ELOVL7: variants seen among roughly 807,000 people sequenced by gnomAD.
ELOVL7 encodes very long chain fatty acid elongase 7.
Under a neutral mutation model 35.7 loss-of-function variants are expected in ELOVL7, and 27 were observed. The observed-to-expected ratio is 0.76, with a 90% CI of 0.56 to 1.04. ELOVL7 has a LOEUF of 1.04. Among genes scored for constraint, ELOVL7 ranks in the 50% least tolerant of loss-of-function variants. The pLI is 0.00. For synonymous variants in ELOVL7, 113 were observed against 114.6 expected, an observed-to-expected ratio of 0.99 and a Z score of 0.09; for missense variants, 327 against 340.8, an observed-to-expected ratio of 0.96 and a Z score of 0.32.
intron 3 of ELOVL7, among the ~76,000 whole-genome samples, chr5:60,776,548 A>G (rs889281207): frequency 3.3e-5 from 5 of 152,220 alleles, no homozygotes; most frequent in Non-Finnish European, 5.9e-5. Context: ...CATTAAAAAG[A>G]ACAAAATCAT....
chr5:60,790,362 A>G (rs1019646313), intron 2 of ELOVL7, among the ~76,000 whole-genome samples: 4 of 152,208 alleles, frequency 2.6e-5, no homozygotes, highest in Non-Finnish European at 4.4e-5. Flanking sequence ...TAGATATTTT[A>G]CCTATCTAAA....
intron 7 of ELOVL7, among the ~76,000 whole-genome samples, chr5:60,759,978 T>C (rs1288539850): frequency 1.3e-5 from 2 of 152,234 alleles, no homozygotes; most frequent in Non-Finnish European, 2.9e-5. Context: ...TCATCAATTT[T>C]TATGGCTGCA....
In ELOVL7 at chr5:60,773,327, G is replaced by A. The variant is rs146327986; in HGVS notation, c.65-1234C>T. Among the ~76,000 whole-genome samples, 32 of 152,266 alleles carry A rather than the reference G, an allele frequency of 2.1e-4. No individual in the cohort carries two copies. In the East Asian group the frequency reaches 6.2e-3, roughly 29 times the overall value. ...GGAAAAGAAGGGTAGGGAGAATGTA[G>A]CTCTTGCTCTTTTAAGCTGCTAATG... is the stretch of plus-strand genomic sequence containing the variant. On this transcript the variant is annotated intron_variant, in intron 3 of 8. Transcript: ENST00000508821.
Position 60,787,407 on chromosome 5 carries a change from G to T in ELOVL7, c.-10C>A. On this transcript the variant is annotated 5_prime_UTR_variant, in exon 3 of 9. Transcript: ENST00000508821. ...GATCACTGAAGGCCATTTTCCACAG[G>T]ATTTACTGGCTCTTTTAATGGGTTC... 1.3e-6 allele frequency: 2 copies of T among 1,584,546 alleles called. No homozygotes were observed. The highest frequency in any genetic ancestry group is 1.7e-6 in the Non-Finnish European group (2 of 1,168,560).
chr5:60,837,740 G>C (rs879261215), intron 1 of ELOVL7, among the ~76,000 whole-genome samples: 3 of 152,038 alleles, frequency 2.0e-5, no homozygotes, highest in Non-Finnish European at 4.4e-5. Flanking sequence ...TCGGGAGTTT[G>C]AGACCAGCCT....
At chr5:60,795,181 G>A (rs1053347570) in intron 2 of ELOVL7, among the ~76,000 whole-genome samples, 4 of 152,100 alleles carry the variant, frequency 2.6e-5, no homozygotes, top group African/African-American at 4.8e-5. Flanking sequence ...GTCAGAATGG[G>A]GCAGTGGGAT....
At chr5:60,755,644 G>A (rs554128517) in intron 8 of ELOVL7, among the ~76,000 whole-genome samples, 18 of 152,100 alleles carry the variant, frequency 1.2e-4, no homozygotes, top group Non-Finnish European at 2.2e-4. Context: ...GTGACAGAGC[G>A]AGATTCCATC....
At chr5:60,774,553 C>T (rs902847505) in intron 3 of ELOVL7, among the ~76,000 whole-genome samples, 4 of 152,112 alleles carry the variant, frequency 2.6e-5, no homozygotes, top group Non-Finnish European at 5.9e-5. Context: ...ACCTAATGGG[C>T]AAACGCTGGA....
chr5:60,799,304 A>T (rs1213142410), intron 1 of ELOVL7, 74 bp from the exon 2 acceptor site: 1 of 151,890 alleles, frequency 6.6e-6, no homozygotes, highest in Non-Finnish European at 1.5e-5. Context: ...AAAGAAAAAC[A>T]AAGTCAGCAG....
intron 1 of ELOVL7, among the ~76,000 whole-genome samples, chr5:60,841,023 C>CTTTT (rs59046428): frequency 8.0e-6 from 1 of 125,364 alleles, no homozygotes; most frequent in Non-Finnish European, 1.6e-5. Context: ...AATTACTTTC[C>CTTTT]TTTTTTTTTT....
chr5:60,836,057 T>C (rs17332108), intron 1 of ELOVL7, among the ~76,000 whole-genome samples: 29,261 of 151,950 alleles, frequency 0.19, 3,550 homozygotes, highest in Non-Finnish European at 0.26. Context: ...AACGGTATTG[T>C]ATTTGAATCA....
chr5:60,794,375 C>G (rs931931948), intron 2 of ELOVL7, among the ~76,000 whole-genome samples: 1 of 152,384 alleles, frequency 6.6e-6, no homozygotes, highest in Non-Finnish European at 1.5e-5. Flanking sequence ...AATACCAGAA[C>G]ATACACAGTG....
At chr5:60,767,959 C>T in intron 4 of ELOVL7, 56 bp from the exon 5 acceptor site, 3 of 1,406,480 alleles carry the variant, frequency 2.1e-6, no homozygotes, top group Admixed American at 3.4e-5. Context: ...ACAGCCACAA[C>T]AAAGGTAGTT....
intron 3 of ELOVL7, among the ~76,000 whole-genome samples, 177 bp from the exon 4 acceptor site, chr5:60,772,270 T>C (rs983547956): frequency 1.3e-5 from 2 of 152,152 alleles, no homozygotes; most frequent in Non-Finnish European, 2.9e-5. Flanking sequence ...GGAAGTATCC[T>C]GGGGCTAGAA....
chr5:60,842,460 A>G (rs73759430), intron 1 of ELOVL7, among the ~76,000 whole-genome samples: 39 of 150,250 alleles, frequency 2.6e-4, no homozygotes, highest in South Asian at 6.6e-4. Context: ...TACAGGTGAT[A>G]GATGAAGTAA....
intron 2 of ELOVL7, among the ~76,000 whole-genome samples, chr5:60,791,268 C>T (rs781205273): frequency 1.4e-4 from 21 of 152,174 alleles, no homozygotes; most frequent in Non-Finnish European, 2.5e-4. Flanking sequence ...TGAGAAACCG[C>T]ACCCAGCCAA....
chr5:60,784,303 G>T, intron 3 of ELOVL7: 1 of 456,104 alleles, frequency 2.2e-6, no homozygotes, highest in Non-Finnish European at 3.9e-6. Flanking sequence ...CCATCTTCTT[G>T]CAAAAAAAGG....
At chr5:60,771,374 A>C (rs1742579597) in intron 4 of ELOVL7, among the ~76,000 whole-genome samples, 1 of 152,196 alleles carries the variant, frequency 6.6e-6, no homozygotes, top group Admixed American at 6.5e-5. Context: ...AAAATTAAGG[A>C]ACAGGCTCCC....
At chr5:60,816,248 C>T (rs542383402) in intron 1 of ELOVL7, among the ~76,000 whole-genome samples, 9 of 152,050 alleles carry the variant, frequency 5.9e-5, no homozygotes, top group African/African-American at 1.7e-4. Flanking sequence ...GGCATGGTGG[C>T]GGCCCCTGTA....
Sources: gnomAD v4.1 joint callset for allele counts (sites outside exome capture counted in the v4.1 genomes callset) on GRCh38, gnomAD v4.1.1 for gene constraint, MANE v1.5 for transcripts, NCBI Gene and HGNC (gene_info 2026-07-23, HGNC 2026-07-21) for gene names.